The following RHOQ variants were observed in gnomAD, a reference collection of about 807,000 sequenced individuals.
RHOQ encodes ras homolog family member Q.
A neutral mutation model predicts 25.8 loss-of-function variants in RHOQ; 7 were observed. That is an observed-to-expected ratio of 0.27 (90% CI 0.15 to 0.51). The LOEUF (loss-of-function observed/expected upper bound fraction) is 0.51, where lower values mean the gene tolerates loss of function less well. RHOQ is among the 20% of genes least tolerant of loss of function. RHOQ has a pLI of 0.97. For missense variants in RHOQ, 165 were observed against 260.6 expected, an observed-to-expected ratio of 0.63 and a Z score of 2.53; for synonymous variants, 97 against 98.6, an observed-to-expected ratio of 0.98 and a Z score of 0.10.
chr2:46,542,918 G>A lies in RHOQ; in HGVS notation c.-129G>A, dbSNP rs1056405971. ...CCTGCGAGGGGAGCCGCTGCATGGG[G>A]CCGGGGGGGCGGCCCTGCGGCGCGG... is the stretch of plus-strand genomic sequence containing the variant. On this transcript the variant is annotated 5_prime_UTR_variant, in exon 1 of 5. Coordinates refer to ENST00000238738, the MANE Select transcript of RHOQ (RefSeq NM_012249.4). The A allele has an allele frequency of 2.7e-6, 1 of 370,310 alleles. No homozygotes were observed. The highest frequency in any genetic ancestry group is 2.2e-5 in the African/African-American group (1 of 45,008). The allele number at this position is 370,310 out of a possible 1,614,324, so 22.9% of individuals were successfully genotyped here. A position where few individuals can be genotyped will look rare whatever the true frequency, so the allele number is the denominator to read the frequency against.
At chr2:46,546,451 C>CATATATATATATATATATGTATGT (rs1668047022) in intron 2 of RHOQ, among the ~76,000 whole-genome samples, 1 of 47,128 alleles carries the variant, frequency 2.1e-5, no homozygotes, top group Non-Finnish European at 4.3e-5. Context: ...TACACATATA[C>CATATATATATATATATATGTATGT]ATATATATAT....
chr2:46,582,595 T>C lies in RHOQ; in HGVS notation c.*1512T>C, dbSNP rs548419815. The stretch of plus-strand genomic sequence containing the variant: ...TCATCACATTTTTTCTAGCCTTTCC[T>C]ACATTTAAACTTGCTGTTGCCCAAA... On this transcript the variant is annotated 3_prime_UTR_variant, in exon 5 of 5. Coordinates refer to ENST00000238738, the MANE Select transcript of RHOQ (RefSeq NM_012249.4). 1 of 152,716 alleles carries C rather than the reference T, an allele frequency of 6.5e-6. No homozygotes were observed. The highest frequency in any genetic ancestry group is 2.1e-4 in the South Asian group (1 of 4,832). The allele number at this position is 152,716 out of a possible 1,614,324, so 9.5% of individuals were successfully genotyped here.
intron 2 of RHOQ, among the ~76,000 whole-genome samples, chr2:46,564,077 G>A (rs1251464602): frequency 1.3e-5 from 2 of 152,072 alleles, no homozygotes; most frequent in Non-Finnish European, 1.5e-5. Flanking sequence ...GGCCAAGGCA[G>A]GAGGATTGCT....
chr2:46,583,719 T>A lies in RHOQ; in HGVS notation c.*2636T>A, dbSNP rs1354716940. On this transcript the variant is annotated 3_prime_UTR_variant, in exon 5 of 5. Transcript: ENST00000238738. ...TTCAAAGCTTAGGCTTCAATAGAAA[T>A]TCAGACTAATCACTGAAATGACTAT... is the stretch of plus-strand genomic sequence containing the variant. Among the ~76,000 whole-genome samples, 2 of 152,162 alleles carry A rather than the reference T, an allele frequency of 1.3e-5. No homozygotes were observed. The highest frequency in any genetic ancestry group is 2.9e-5 in the Non-Finnish European group (2 of 68,006).
rs553695421 is a variant in RHOQ, at chr2:46,581,172, T to C, written c.*89T>C. ...CTATACCCAGACCTTTTATAGGTAA[T>C]GAAGCAGTTCAAAACTTGAAAGAAA... On this transcript the variant is annotated 3_prime_UTR_variant, in exon 5 of 5. Coordinates refer to ENST00000238738, the MANE Select transcript of RHOQ (RefSeq NM_012249.4). 1.8e-6 allele frequency: 2 copies of C among 1,118,662 alleles called. No homozygotes were observed. Among genetic ancestry groups the C allele is most frequent in the Non-Finnish European group, 2.5e-6 (2 of 794,014 alleles). The allele number at this position is 1,118,662 out of a possible 1,614,324, so 69.3% of individuals were successfully genotyped here.
chr2:46,569,733 C>T lies in RHOQ; in HGVS notation c.202-6354C>T, dbSNP rs1668852166. On this transcript the variant is annotated intron_variant, in intron 2 of 4. Coordinates refer to ENST00000238738, the MANE Select transcript of RHOQ (RefSeq NM_012249.4). This position sits in a 1 kb window ranked among gnomAD's most constrained non-coding sequence, Gnocchi z 4.1. Reference sequence around the variant, plus strand: ...GATGACAGTAGCTAAAAGTAAGAAGCTAAACCTTTAATTTCAAGAATTCTT... The same window carrying T: ...GATGACAGTAGCTAAAAGTAAGAAGTTAAACCTTTAATTTCAAGAATTCTT... Among the ~76,000 whole-genome samples, 1 of 152,134 alleles carries T rather than the reference C, an allele frequency of 6.6e-6. No individual in the cohort carries two copies. Among genetic ancestry groups the T allele is most frequent in the African/African-American group, 2.4e-5 (1 of 41,420 alleles).
intron 4 of RHOQ, among the ~76,000 whole-genome samples, chr2:46,579,622 G>A (rs554214379): frequency 9.0e-4 from 137 of 152,152 alleles, no homozygotes; most frequent in Non-Finnish European, 1.1e-3. Context: ...AGCCCGAGGC[G>A]GGCAGAATTA....
At chr2:46,551,782 TA>T (rs1372556283) in intron 2 of RHOQ, among the ~76,000 whole-genome samples, 3 of 152,176 alleles carry the variant, frequency 2.0e-5, no homozygotes, top group Non-Finnish European at 4.4e-5. Flanking sequence ...CTGAGGGGCT[TA>T]AAAGTGGCAG....
In RHOQ at chr2:46,581,391, G is replaced by C; in HGVS notation, c.*308G>C. The C allele has an allele frequency of 1.3e-6, 2 of 1,529,054 alleles. No individual in the cohort carries two copies. The highest frequency in any genetic ancestry group is 1.8e-6 in the Non-Finnish European group (2 of 1,134,836). 94.7% of individuals were successfully genotyped at this position (1,529,054 alleles called of 1,614,324 possible). On this transcript the variant is annotated 3_prime_UTR_variant, in exon 5 of 5. Transcript: ENST00000238738. ...TTGTAACTACGTAAAAAACAGAGCT[G>C]TAAATGGAACTGCTTGGCTTTGACC...
chr2:46,553,682 C>G (rs1196467454), intron 2 of RHOQ, among the ~76,000 whole-genome samples: 1 of 152,028 alleles, frequency 6.6e-6, no homozygotes, highest in African/African-American at 2.4e-5. Flanking sequence ...TGGGTTCAAG[C>G]AATTCTCCTG....
Position 46,581,228 on chromosome 2 carries a change from G to T in RHOQ, c.*145G>T. On this transcript the variant is annotated 3_prime_UTR_variant, in exon 5 of 5. Coordinates refer to ENST00000238738, the MANE Select transcript of RHOQ (RefSeq NM_012249.4). ...ACCTGTCCTCAGAATTCTATAAAGT[G>T]TATTAAGAATGTTCCTTAAAGGTTT... 1.0e-6 allele frequency: 1 copy of T among 984,468 alleles called. No individual in the cohort carries two copies. The highest frequency in any genetic ancestry group is 1.5e-6 in the Non-Finnish European group (1 of 680,796). The allele number at this position is 984,468 out of a possible 1,614,324, so 61.0% of individuals were successfully genotyped here. A position where few individuals can be genotyped will look rare whatever the true frequency, so the allele number is the denominator to read the frequency against.
chr2:46,546,474 G>GTATATATA (rs1467866624), intron 2 of RHOQ, among the ~76,000 whole-genome samples: 8 of 16,954 alleles, frequency 4.7e-4, no homozygotes, highest in Admixed American at 8.5e-4. Flanking sequence ...ATATATATAT[G>GTATATATA]TGTATATATA....
intron 2 of RHOQ, among the ~76,000 whole-genome samples, chr2:46,547,366 G>A (rs959260927): frequency 2.6e-5 from 4 of 152,226 alleles, no homozygotes; most frequent in African/African-American, 9.7e-5. Flanking sequence ...CAGTCAAAGG[G>A]TGATTGTTGT....
Position 46,543,783 on chromosome 2 carries a change from C to G in RHOQ, c.172C>G (p.Leu58Val). The change falls in exon 2 of 5, where the codon CTC (leucine) becomes GTC (valine). Residue 58 changes from leucine to valine, a missense_variant. Transcript: ENST00000238738. ...VSVTVGGKQY[L>V]LGLYDTAGQE... is the part of the protein sequence containing the mutation. ...CGTCACCGTGGGGGGCAAGCAGTAC[C>G]TCCTAGGACTCTATGACACGGCCGG... is the stretch of plus-strand genomic sequence containing the variant. The G allele has an allele frequency of 6.2e-7, 1 of 1,613,742 alleles. No homozygotes were observed. The highest frequency in any genetic ancestry group is 1.3e-5 in the African/African-American group (1 of 75,032).
At chr2:46,546,905 C>T (rs553929134) in intron 2 of RHOQ, among the ~76,000 whole-genome samples, 2 of 152,220 alleles carry the variant, frequency 1.3e-5, no homozygotes, top group East Asian at 3.9e-4. Flanking sequence ...ACCTTTTCAA[C>T]CAAGGTGTGC....
At chr2:46,549,879 G>T (rs1276878448) in intron 2 of RHOQ, among the ~76,000 whole-genome samples, 1 of 152,118 alleles carries the variant, frequency 6.6e-6, no homozygotes, top group Non-Finnish European at 1.5e-5. Context: ...CCATGTTGCA[G>T]TGCTCAGCCC....
chr2:46,577,614 A>C (rs1572758272), intron 4 of RHOQ, among the ~76,000 whole-genome samples: 1 of 94,304 alleles, frequency 1.1e-5, no homozygotes, highest in South Asian at 3.6e-4. Flanking sequence ...ATGGGGTTTT[A>C]CCATGTTAGC....
In RHOQ at chr2:46,578,569, C is replaced by CAAAAAAA. The variant is rs755333304; in HGVS notation, c.462+1944_462+1950dup. Among the ~76,000 whole-genome samples, 54 of 24,070 alleles carry CAAAAAAA rather than the reference C, an allele frequency of 2.2e-3. 13 individuals carry two copies. The highest frequency in any genetic ancestry group is 4.5e-3 in the Admixed American group (6 of 1,336). 15.8% of individuals were successfully genotyped at this position (24,070 alleles called of 152,430 possible). A position where few individuals can be genotyped will look rare whatever the true frequency, so the allele number is the denominator to read the frequency against. Reference sequence around the variant, plus strand: ...CAACATGGTGAAACCCCATCTCTACCAAAAAAAAAAAAAAAAAAAAAAAAA... The same window carrying CAAAAAAA: ...CAACATGGTGAAACCCCATCTCTACCAAAAAAAAAAAAAAAAAAAAAAAAAAAAAAAA... On this transcript the variant is annotated intron_variant, in intron 4 of 4. Coordinates refer to ENST00000238738, the MANE Select transcript of RHOQ (RefSeq NM_012249.4).
intron 2 of RHOQ, among the ~76,000 whole-genome samples, chr2:46,550,377 T>C (rs193067467): frequency 2.6e-5 from 4 of 152,326 alleles, no homozygotes; most frequent in African/African-American, 7.2e-5. Context: ...ACTAATACAG[T>C]AGAAGTCTTT....
Sources: allele counts gnomAD v4.1 joint callset (sites outside exome capture counted in the v4.1 genomes callset), GRCh38; gene constraint gnomAD v4.1.1; non-coding constraint Gnocchi (gnomAD v3.1); transcripts MANE v1.5; gene names NCBI Gene and HGNC (gene_info 2026-07-23, HGNC 2026-07-21).